Variants in OCA2 observed in about 807,000 individuals in gnomAD.
OCA2 encodes P protein.
In OCA2, 77 loss-of-function variants were observed where a neutral mutation model predicts 100.2. The ratio of observed to expected loss-of-function variants is 0.77; its 90% CI spans 0.64 to 0.93. The LOEUF is 0.93. Ranked by LOEUF, OCA2 falls within the 40% of genes least tolerant of loss-of-function variation. The pLI is 0.00. For missense variants in OCA2, 1,062 were observed against 1,089.1 expected (o/e 0.98, Z 0.35); for synonymous variants, 432 against 439.2 (o/e 0.98, Z 0.21).
the OCA2 span, among the ~76,000 whole-genome samples, chr15:27,728,682 G>A: frequency 1.3e-5 from 2 of 152,140 alleles, no homozygotes; most frequent in African/African-American, 2.4e-5. Context: ...ATGCCCTTGA[G>A]CTTCCTAAGG....
rs555395168 is a variant in OCA2 at position 27,926,268 on chromosome 15, A to T, written c.1952-14T>A. 4 of 1,613,876 alleles carry T rather than the reference A, an allele frequency of 2.5e-6. No individual in the cohort carries two copies. The South Asian group carries it at 4.4e-5, about 18-fold the overall frequency. On this transcript the variant is annotated splice_polypyrimidine_tract_variant and intron_variant, in intron 18 of 23. Transcript: ENST00000354638. ...TAGCAATCCATCCTGAAAATAAGTA[A>T]ATAGACATAGAGATATAGTTCCACT...
chr15:28,023,053 C>T (rs1371938111), intron 5 of OCA2, among the ~76,000 whole-genome samples: 1 of 152,072 alleles, frequency 6.6e-6, no homozygotes, highest in Non-Finnish European at 1.5e-5. Context: ...AACTCCATCT[C>T]ACAGAAGAAG....
At chr15:27,964,250 C>T (rs2040493345) in intron 15 of OCA2, among the ~76,000 whole-genome samples, 1 of 152,080 alleles carries the variant, frequency 6.6e-6, no homozygotes, top group Non-Finnish European at 1.5e-5. Context: ...ATGAGGACAA[C>T]AAAAAAGACA....
At chr15:27,817,822 AT>A (rs1463653360) in intron 23 of OCA2, among the ~76,000 whole-genome samples, 1 of 152,164 alleles carries the variant, frequency 6.6e-6, no homozygotes, top group Non-Finnish European at 1.5e-5. Flanking sequence ...GGGGATCCTT[AT>A]AAGAAGGGCC....
At chr15:27,920,733 A>G (rs2122006) in intron 19 of OCA2, among the ~76,000 whole-genome samples, 96,987 of 151,868 alleles carry the variant, frequency 0.64, 31,583 homozygotes, top group East Asian at 0.96. Flanking sequence ...ACAACAGAAT[A>G]GAAATTCTGG....
chr15:27,983,270 G>T, intron 14 of OCA2, 75 bp downstream of exon 14: 1 of 1,568,160 alleles, frequency 6.4e-7, no homozygotes, highest in Non-Finnish European at 8.8e-7. Flanking sequence ...TAACAAAGGC[G>T]TCCATGTGGG....
chr15:27,915,959 C>T (rs2038649382), intron 19 of OCA2, among the ~76,000 whole-genome samples: 2 of 152,066 alleles, frequency 1.3e-5, no homozygotes, highest in Admixed American at 1.3e-4. Flanking sequence ...TGCCCATCAA[C>T]AGTGGACTGA....
chr15:27,829,815 G>A (rs1268384923), intron 23 of OCA2, among the ~76,000 whole-genome samples: 3 of 152,174 alleles, frequency 2.0e-5, no homozygotes, highest in African/African-American at 7.2e-5. Flanking sequence ...ATAGTGCCTG[G>A]AAAAAGTAGA....
chr15:28,021,733 C>T (rs1319015633), intron 6 of OCA2, among the ~76,000 whole-genome samples: 1 of 152,182 alleles, frequency 6.6e-6, no homozygotes, highest in Admixed American at 6.5e-5. Flanking sequence ...CAAAGGCCTT[C>T]ATTTGCTTGG....
chr15:27,910,434 A>G (rs2038344457), intron 19 of OCA2, among the ~76,000 whole-genome samples: 2 of 152,204 alleles, frequency 1.3e-5, no homozygotes, highest in Non-Finnish European at 2.9e-5. Context: ...AAATGCCTCT[A>G]TGTAGAAGGA....
chr15:27,951,147 T>C (rs187811879), intron 18 of OCA2, among the ~76,000 whole-genome samples: 1 of 152,200 alleles, frequency 6.6e-6, no homozygotes, highest in Admixed American at 6.5e-5. Flanking sequence ...GTTGACAAGC[T>C]CTGTGGTGAG....
At chr15:27,842,444 C>G (rs189483669) in intron 23 of OCA2, among the ~76,000 whole-genome samples, 1 of 152,240 alleles carries the variant, frequency 6.6e-6, no homozygotes, top group Admixed American at 6.5e-5. Flanking sequence ...CACAGGAAGC[C>G]CCCTTTTGTG....
intron 23 of OCA2, among the ~76,000 whole-genome samples, chr15:27,790,543 T>G (rs1053217047): frequency 2.0e-5 from 3 of 152,166 alleles, no homozygotes; most frequent in Non-Finnish European, 4.4e-5. Flanking sequence ...GGATTCCATT[T>G]TTATGAGATT....
chr15:27,728,357 C>G, the OCA2 span, among the ~76,000 whole-genome samples: 1 of 152,134 alleles, frequency 6.6e-6, no homozygotes, highest in Non-Finnish European at 1.5e-5. Flanking sequence ...AAAAAATCCT[C>G]TGTAGCTCTC....
chr15:27,858,128 T>C (rs2036006090), intron 21 of OCA2, among the ~76,000 whole-genome samples: 1 of 152,052 alleles, frequency 6.6e-6, no homozygotes, highest in South Asian at 2.1e-4. Flanking sequence ...TTACACTAAT[T>C]GTAAATGGAT....
chr15:27,739,689 AC>A, the OCA2 span, among the ~76,000 whole-genome samples: 2 of 151,762 alleles, frequency 1.3e-5, no homozygotes. Flanking sequence ...CAGCTGATCC[AC>A]CCGCCTTGGC....
At chr15:27,961,125 A>ATT (rs2040398278) in intron 15 of OCA2, among the ~76,000 whole-genome samples, 1 of 152,206 alleles carries the variant, frequency 6.6e-6, no homozygotes, top group South Asian at 2.1e-4. Context: ...AACCCCATCA[A>ATT]AAAGTGGGCA....
At chr15:27,897,364 G>A (rs996007545) in intron 19 of OCA2, among the ~76,000 whole-genome samples, 13 of 151,802 alleles carry the variant, frequency 8.6e-5, no homozygotes, top group African/African-American at 1.2e-4. Context: ...TTCCTGGGTC[G>A]GGCCCAGCAC....
chr15:27,771,007 C>CCTT (rs2031788026), intron 23 of OCA2, among the ~76,000 whole-genome samples: 1 of 66,758 alleles, frequency 1.5e-5, no homozygotes, highest in Non-Finnish European at 4.0e-5. Flanking sequence ...TTCCTTCCTT[C>CCTT]CCTTCTTTTC....
Sources: gnomAD v4.1 joint callset for allele counts (sites outside exome capture counted in the v4.1 genomes callset) on GRCh38, gnomAD v4.1.1 for gene constraint, MANE v1.5 for transcripts, NCBI Gene and HGNC (gene_info 2026-07-23, HGNC 2026-07-21) for gene names.